DOCK4: variants seen among roughly 807,000 people sequenced by gnomAD.
DOCK4 encodes the protein dedicator of cytokinesis protein 4.
Under a neutral mutation model 268.1 loss-of-function variants are expected in DOCK4, and 97 were observed. That is an observed-to-expected ratio of 0.36 (90% CI 0.31 to 0.43). The LOEUF (loss-of-function observed/expected upper bound fraction) is 0.43. DOCK4 is among the 20% of genes least tolerant of loss of function. The pLI is 1.00. For synonymous variants in DOCK4, 954 were observed against 887.2 expected, an observed-to-expected ratio of 1.08 and a Z score of -1.34; for missense variants, 2,145 against 2,455.7, an observed-to-expected ratio of 0.87 and a Z score of 2.67.
chr7:111,783,734 G>C (rs1484836762), intron 34 of DOCK4, 123 bp downstream of exon 34: 2 of 850,972 alleles, frequency 2.4e-6, no homozygotes, highest in Admixed American at 2.4e-5. Flanking sequence ...AGTATACCAG[G>C]TTCCATGGTC....
intron 32 of DOCK4, among the ~76,000 whole-genome samples, chr7:111,785,253 G>A (rs760550326): frequency 6.6e-6 from 1 of 152,126 alleles, no homozygotes; most frequent in Non-Finnish European, 1.5e-5. Context: ...TGTTTAAAAT[G>A]TGTTTTCTTT....
chr7:112,197,641 A>T (rs1432759035), intron 1 of DOCK4, among the ~76,000 whole-genome samples: 2 of 152,182 alleles, frequency 1.3e-5, no homozygotes, highest in Non-Finnish European at 2.9e-5. Context: ...AATCCTTTGT[A>T]CCCATATTAA....
intron 1 of DOCK4, among the ~76,000 whole-genome samples, chr7:112,144,140 G>C (rs1449829120): frequency 6.6e-6 from 1 of 152,058 alleles, no homozygotes; most frequent in East Asian, 1.9e-4. Flanking sequence ...AATTCTACTG[G>C]AAGAATCCCT....
At chr7:112,125,513 G>A (rs1813135399) in intron 1 of DOCK4, among the ~76,000 whole-genome samples, 2 of 152,166 alleles carry the variant, frequency 1.3e-5, no homozygotes, top group Non-Finnish European at 1.5e-5. Flanking sequence ...TTTATACCAT[G>A]CAGAGAACGG....
chr7:112,017,491 G>A (rs1801910432), intron 1 of DOCK4, among the ~76,000 whole-genome samples: 1 of 152,162 alleles, frequency 6.6e-6, no homozygotes, highest in African/African-American at 2.4e-5. Flanking sequence ...AGGTAGAGAG[G>A]TCTTGGCAAA....
At chr7:112,006,307 G>A (rs1164288137) in intron 1 of DOCK4, among the ~76,000 whole-genome samples, 1 of 152,156 alleles carries the variant, frequency 6.6e-6, no homozygotes, top group African/African-American at 2.4e-5. Context: ...GTTTAAGGGT[G>A]TGGCCATCAC....
intron 1 of DOCK4, among the ~76,000 whole-genome samples, chr7:112,034,687 G>A (rs1388737991): frequency 6.6e-6 from 1 of 152,160 alleles, no homozygotes; most frequent in Non-Finnish European, 1.5e-5. Context: ...ATTGCTTGAG[G>A]CCAGGAGTTT....
intron 41 of DOCK4, among the ~76,000 whole-genome samples, chr7:111,756,266 G>A (rs892438611): frequency 3.3e-5 from 5 of 152,260 alleles, no homozygotes; most frequent in African/African-American, 4.8e-5. Context: ...GAAGAATGGC[G>A]TGAACTTGGG....
At chr7:112,089,738 C>T (rs561792744) in intron 1 of DOCK4, among the ~76,000 whole-genome samples, 4 of 152,232 alleles carry the variant, frequency 2.6e-5, no homozygotes, top group African/African-American at 7.2e-5. Flanking sequence ...TCCCCCTTCT[C>T]GCTCTTCCTC....
At position 112,160,571 on chromosome 7, in the gene DOCK4, T is replaced by C. The variant is rs77479312; in HGVS notation, c.37+45531A>G. ...CTGGAAAGTATCTTAATCTATTTAGTAAATCAGCAAGACTCTGAACATGGC... is the reference window on the plus strand; with the variant it reads ...CTGGAAAGTATCTTAATCTATTTAGCAAATCAGCAAGACTCTGAACATGGC... On this transcript the variant is annotated intron_variant, in intron 1 of 52. Transcript: ENST00000428084. 7.8e-3 allele frequency among the ~76,000 whole-genome samples: 1,195 copies of C among 152,250 alleles called. 16 individuals are homozygous for C. The highest frequency in any genetic ancestry group is 0.027 in the African/African-American group (1,141 of 41,540).
intron 27 of DOCK4, among the ~76,000 whole-genome samples, chr7:111,815,636 ATCCCC>A (rs1229653905): frequency 1.1e-4 from 5 of 46,200 alleles, no homozygotes; most frequent in Non-Finnish European, 1.8e-4. Context: ...CCCCTCCCCC[ATCCCC>A]TCCCCTCCCC....
intron 44 of DOCK4, 135 bp downstream of exon 44, chr7:111,746,199 T>C: frequency 3.2e-6 from 2 of 627,956 alleles, no homozygotes; most frequent in South Asian, 4.7e-5. Context: ...AGCTGGGATA[T>C]ATTACAGGAA....
intron 35 of DOCK4, among the ~76,000 whole-genome samples, chr7:111,779,215 ACTT>A (rs1798644807): frequency 6.6e-6 from 1 of 152,134 alleles, no homozygotes; most frequent in African/African-American, 2.4e-5. Flanking sequence ...TATGCGTTGG[ACTT>A]CAAATGTTTC....
chr7:112,042,618 CT>C (rs1409223489), intron 1 of DOCK4, among the ~76,000 whole-genome samples: 1 of 152,162 alleles, frequency 6.6e-6, no homozygotes, highest in Non-Finnish European at 1.5e-5. Context: ...AAAATTAAAT[CT>C]TTGCTGTCCA....
At chr7:112,019,647 G>A (rs1802145834) in intron 1 of DOCK4, among the ~76,000 whole-genome samples, 1 of 151,928 alleles carries the variant, frequency 6.6e-6, no homozygotes, top group Non-Finnish European at 1.5e-5. Context: ...CTGGTAAAAT[G>A]GAAACATAAA....
intron 1 of DOCK4, among the ~76,000 whole-genome samples, chr7:112,073,348 A>G (rs1056232824): frequency 5.3e-5 from 8 of 152,060 alleles, no homozygotes; most frequent in African/African-American, 1.9e-4. Context: ...CCCCATGTTT[A>G]CTGTCGCATT....
chr7:111,917,687 CAG>C (rs956789117), intron 12 of DOCK4, among the ~76,000 whole-genome samples: 1 of 148,300 alleles, frequency 6.7e-6, no homozygotes, highest in African/African-American at 2.5e-5. Flanking sequence ...GCCTGGGTGA[CAG>C]AGCGAGACCC....
intron 17 of DOCK4, 78 bp downstream of exon 17, chr7:111,876,952 G>C (rs950388588): frequency 8.3e-7 from 1 of 1,208,066 alleles, no homozygotes; most frequent in Non-Finnish European, 1.1e-6. Flanking sequence ...CTATCACTTT[G>C]GTGTTTACTG....
rs371949611 is a variant in DOCK4, at chr7:111,728,510, C to T, written c.5692G>A (p.Gly1898Arg). Residue 1898 changes from glycine (G) to arginine (R), a missense_variant, in exon 53 of 53, where the codon GGG (glycine) becomes AGG (arginine). Physicochemically the swap from Gly to Arg is moderately radical, Grantham distance 125 (BLOSUM62 -2). Around this residue, in one of 2 missense-constraint regions of DOCK4, gnomAD observed 547 missense variants for 469.0 expected, o/e 1.17. Coordinates refer to ENST00000428084, the MANE Select transcript of DOCK4 (RefSeq NM_001363540.2). ...PVPVPVPSYGGEEPVRKESKT... is the reference protein window; with the variant it reads ...PVPVPVPSYGREEPVRKESKT... The stretch of plus-strand genomic sequence containing the variant: ...CTCTCCTTGCGCACTGGCTCCTCCC[C>T]GCCGTAGCTCGGCACGGGCACCGGC... 12 of 1,613,382 alleles carry T rather than the reference C, an allele frequency of 7.4e-6. No homozygotes were observed. The highest frequency in any genetic ancestry group is 6.7e-5 in the East Asian group (3 of 44,884).
Sources: allele counts gnomAD v4.1 joint callset (sites outside exome capture counted in the v4.1 genomes callset), GRCh38; gene constraint gnomAD v4.1.1; regional missense constraint gnomAD v4.1.1; transcripts MANE v1.5; gene names NCBI Gene and HGNC (gene_info 2026-07-23, HGNC 2026-07-21).